The following ST6GALNAC3 variants were observed in gnomAD, a reference collection of about 807,000 sequenced individuals.
ST6GALNAC3 encodes alpha-N-acetylgalactosaminide alpha-2,6-sialyltransferase 3.
Under a neutral mutation model 32.7 loss-of-function variants are expected in ST6GALNAC3, and 25 were observed. The observed-to-expected ratio is 0.76, with a 90% CI of 0.56 to 1.07. The LOEUF is 1.07. Among genes scored for constraint, ST6GALNAC3 ranks in the 50% least tolerant of loss-of-function variants. ST6GALNAC3 has a pLI of 0.00. For missense variants in ST6GALNAC3, 355 were observed against 382.4 expected (o/e 0.93, Z 0.60); for synonymous variants, 129 against 133.1 (o/e 0.97, Z 0.21).
At chr1:76,446,323 T>C (rs1044570844) in intron 3 of ST6GALNAC3, among the ~76,000 whole-genome samples, 21 of 152,150 alleles carry the variant, frequency 1.4e-4, no homozygotes, top group African/African-American at 4.6e-4. Context: ...TTGATGAACC[T>C]ATGTTGATGC....
At chr1:76,565,059 A>G (rs112012691) in intron 3 of ST6GALNAC3, among the ~76,000 whole-genome samples, 15 of 152,192 alleles carry the variant, frequency 9.9e-5, no homozygotes, top group African/African-American at 3.6e-4. Flanking sequence ...ATGATTGCTG[A>G]GTACAAGGGT....
chr1:76,426,124 T>C (rs1483030832), intron 3 of ST6GALNAC3, among the ~76,000 whole-genome samples: 2 of 151,744 alleles, frequency 1.3e-5, no homozygotes, highest in South Asian at 2.1e-4. Context: ...AGAGCCCTTT[T>C]TTGACAACAC....
At chr1:76,278,166 G>A (rs771055906) in intron 1 of ST6GALNAC3, among the ~76,000 whole-genome samples, 4 of 149,214 alleles carry the variant, frequency 2.7e-5, no homozygotes, top group Admixed American at 6.7e-5. Context: ...ACTGTCTTTC[G>A]TCACTATAAT....
chr1:76,480,611 T>C (rs929995526), intron 3 of ST6GALNAC3, among the ~76,000 whole-genome samples: 2 of 152,148 alleles, frequency 1.3e-5, no homozygotes, highest in African/African-American at 4.8e-5. Context: ...AGAAAGTAGA[T>C]AAAGATCCTT....
chr1:76,142,883 TG>T (rs1237643892), intron 1 of ST6GALNAC3: 3 of 455,488 alleles, frequency 6.6e-6, no homozygotes, highest in Non-Finnish European at 1.3e-5. Flanking sequence ...TGAGCCACAT[TG>T]GGTCAATTCA....
chr1:76,507,839 T>C (rs923864158), intron 3 of ST6GALNAC3, among the ~76,000 whole-genome samples: 2 of 152,224 alleles, frequency 1.3e-5, no homozygotes, highest in Non-Finnish European at 2.9e-5. Flanking sequence ...TGTAGGCTTT[T>C]GTGGAAGTGC....
At chr1:76,302,014 C>T (rs1166693540) in intron 1 of ST6GALNAC3, among the ~76,000 whole-genome samples, 1 of 151,884 alleles carries the variant, frequency 6.6e-6, no homozygotes, top group East Asian at 1.9e-4. Context: ...TTAAAATAGT[C>T]CAGGCACCAT....
chr1:76,449,190 T>C (rs906311182), intron 3 of ST6GALNAC3, among the ~76,000 whole-genome samples: 3 of 152,246 alleles, frequency 2.0e-5, no homozygotes, highest in Non-Finnish European at 4.4e-5. Flanking sequence ...TTTTTTCAGT[T>C]GGCTTATTTC....
chr1:76,539,773 C>T (rs922412309), intron 3 of ST6GALNAC3, among the ~76,000 whole-genome samples: 3 of 152,134 alleles, frequency 2.0e-5, no homozygotes, highest in African/African-American at 7.2e-5. Context: ...CATCAATGAT[C>T]ATCAGAGAAA....
intron 3 of ST6GALNAC3, among the ~76,000 whole-genome samples, chr1:76,455,722 C>A (rs1657728477): frequency 1.3e-5 from 2 of 152,146 alleles, no homozygotes; most frequent in African/African-American, 4.8e-5. Flanking sequence ...TGACTTTCAA[C>A]CAGTACTCTG....
intron 1 of ST6GALNAC3, among the ~76,000 whole-genome samples, chr1:76,167,043 A>C (rs1300969066): frequency 1.3e-5 from 2 of 151,802 alleles, no homozygotes; most frequent in African/African-American, 4.8e-5. Context: ...CTGTTGAATA[A>C]GAGTGGTGAG....
chr1:76,258,940 A>G (rs1658073695), intron 1 of ST6GALNAC3, among the ~76,000 whole-genome samples: 1 of 152,176 alleles, frequency 6.6e-6, no homozygotes, highest in Admixed American at 6.5e-5. Context: ...TTTTCTTGTC[A>G]GGTGAGGGCA....
intron 3 of ST6GALNAC3, among the ~76,000 whole-genome samples, chr1:76,415,401 G>C (rs918594151): frequency 6.6e-6 from 1 of 151,712 alleles, no homozygotes; most frequent in Middle Eastern, 3.2e-3. Flanking sequence ...GTTACCATGA[G>C]ATAGAAACCA....
chr1:76,461,125 A>G (rs764514124), intron 3 of ST6GALNAC3, among the ~76,000 whole-genome samples: 4 of 152,170 alleles, frequency 2.6e-5, no homozygotes, highest in Non-Finnish European at 5.9e-5. Context: ...CAGATTGGTC[A>G]TTGTTTTATT....
intron 2 of ST6GALNAC3, among the ~76,000 whole-genome samples, chr1:76,330,253 A>T (rs891489569): frequency 6.7e-6 from 1 of 150,064 alleles, no homozygotes; most frequent in Non-Finnish European, 1.5e-5. Flanking sequence ...CCTAGGTTCA[A>T]GTGATTCTCC....
rs142702244 is a variant in ST6GALNAC3, at chr1:76,343,656, C to T, written c.213+29657C>T. 6.1e-3 allele frequency among the ~76,000 whole-genome samples: 923 copies of T among 152,320 alleles called. 4 individuals are homozygous for T. The highest frequency in any genetic ancestry group is 0.021 in the African/African-American group (876 of 41,576). On this transcript the variant is annotated intron_variant, in intron 2 of 4. Coordinates refer to ENST00000328299, the MANE Select transcript of ST6GALNAC3 (RefSeq NM_152996.4). ...AAGGTCAGAAGAAATTCCTATATCG[C>T]TACTTCTTTCTTCTCCTCAACATCT... is the stretch of plus-strand genomic sequence containing the variant.
intron 2 of ST6GALNAC3, among the ~76,000 whole-genome samples, chr1:76,346,526 T>C (rs1648529711): frequency 6.6e-6 from 1 of 152,202 alleles, no homozygotes; most frequent in Non-Finnish European, 1.5e-5. Context: ...AAGCAAAACA[T>C]AGACTTATAA....
chr1:76,089,457 G>A (rs1010056762), intron 1 of ST6GALNAC3, among the ~76,000 whole-genome samples: 1 of 152,110 alleles, frequency 6.6e-6, no homozygotes, highest in African/African-American at 2.4e-5. Flanking sequence ...GATTGCACAC[G>A]GGTAATTTCA....
At chr1:76,337,200 G>A (rs891700806) in intron 2 of ST6GALNAC3, among the ~76,000 whole-genome samples, 2 of 152,152 alleles carry the variant, frequency 1.3e-5, no homozygotes, top group East Asian at 1.9e-4. Context: ...CCGCCCCTTG[G>A]ACAAGGGGCA....
Sources: gnomAD v4.1 joint callset for allele counts (sites outside exome capture counted in the v4.1 genomes callset) on GRCh38, gnomAD v4.1.1 for gene constraint, MANE v1.5 for transcripts, NCBI Gene and HGNC (gene_info 2026-07-23, HGNC 2026-07-21) for gene names.